Variants in PLAUR observed in about 807,000 individuals in gnomAD.
The protein encoded by PLAUR is plasminogen activator, urokinase receptor, also known as urokinase plasminogen activator surface receptor.
A neutral mutation model predicts 33.4 loss-of-function variants in PLAUR; 22 were observed. The ratio of observed to expected loss-of-function variants is 0.66; its 90% CI spans 0.47 to 0.94. The LOEUF (loss-of-function observed/expected upper bound fraction) is 0.94, where lower values mean the gene tolerates loss of function less well. Among genes scored for constraint, PLAUR ranks in the 40% least tolerant of loss-of-function variants. The pLI is 0.00. For missense variants in PLAUR, 408 were observed against 434.7 expected, an observed-to-expected ratio of 0.94 and a Z score of 0.55; for synonymous variants, 148 against 167.3, an observed-to-expected ratio of 0.88 and a Z score of 0.89.
At chr19:43,663,994 C>A (rs967235441) in intron 3 of PLAUR, among the ~76,000 whole-genome samples, 1 of 152,082 alleles carries the variant, frequency 6.6e-6, no homozygotes, top group African/African-American at 2.4e-5. Flanking sequence ...TGGAAAGGGG[C>A]AACACCAGGC....
At chr19:43,663,699 C>T (rs564444649) in intron 3 of PLAUR, among the ~76,000 whole-genome samples, 6 of 151,316 alleles carry the variant, frequency 4.0e-5, no homozygotes, top group Non-Finnish European at 7.4e-5. Flanking sequence ...AAGAATCGCT[C>T]GAGCCTAGGA....
rs369228285 is a variant in PLAUR at position 43,667,680 on chromosome 19, G to A, written c.67C>T (p.Leu23=). The A allele has an allele frequency of 7.4e-6, 12 of 1,613,540 alleles. No homozygotes were observed. The highest frequency in any genetic ancestry group is 9.3e-6 in the Non-Finnish European group (11 of 1,179,752). ...TTGGTCTTACACTGCATGCACCGCA[G>A]GCCCCAAGAGGCTGGGGGAAGGAGG... ...LHTCVPASWG[L]RCMQCKTNGD... Residue 23 remains leucine, a synonymous_variant, in exon 2 of 7, where the codon CTG becomes TTG. Transcript: ENST00000340093.
intron 1 of PLAUR, among the ~76,000 whole-genome samples, chr19:43,669,513 T>TA (rs1329116832): frequency 1.3e-5 from 2 of 152,002 alleles, no homozygotes; most frequent in African/African-American, 4.8e-5. Context: ...GAACTCCATT[T>TA]AAAAAAAGAA....
intron 1 of PLAUR, among the ~76,000 whole-genome samples, chr19:43,669,809 CAAAAAAAAAAAA>C (rs59728904): frequency 1.3e-4 from 9 of 71,194 alleles, no homozygotes; most frequent in Non-Finnish European, 1.8e-4. Context: ...GAGACTCTGT[CAAAAAAAAAAAA>C]AAAAAAAAAA....
In PLAUR at chr19:43,656,555, G is replaced by A; in HGVS notation, c.396C>T (p.His132=). 1 of 1,613,228 alleles carries A rather than the reference G, an allele frequency of 6.2e-7. No individual in the cohort carries two copies. The highest frequency in any genetic ancestry group is 1.1e-5 in the South Asian group (1 of 90,992). The change falls in exon 4 of 7, where the codon CAC becomes CAT. Residue 132 remains histidine, a synonymous_variant. Transcript: ENST00000340093. ...CAGGGCTGCGGCACTGCAGGCTCTG[G>A]TGCCGGCCCCTCTCACAGCTCATGT... ...SSDMSCERGR[H]QSLQCRSPEE...
rs3052823 is a variant in PLAUR at position 43,659,167 on chromosome 19, C to CTTTTTTTTTTTTTTTTTTTTTTT, written c.311-2528_311-2527insAAAAAAAAAAAAAAAAAAAAAAA. Among the ~76,000 whole-genome samples the CTTTTTTTTTTTTTTTTTTTTTTT allele has an allele frequency of 9.7e-4, 94 of 97,110 alleles. 24 individuals are homozygous for CTTTTTTTTTTTTTTTTTTTTTTT. The highest frequency in any genetic ancestry group is 0.021 in the Middle Eastern group (2 of 96). The allele number at this position is 97,110 out of a possible 152,430, so 63.7% of individuals were successfully genotyped here. A position where few individuals can be genotyped will look rare whatever the true frequency, so the allele number is the denominator to read the frequency against. ...GCTATTTTCCTTTTTCTTTTCTTTTCTTTTTTTTTTTTTTTGAGATAGGGT... is the reference window on the plus strand; with the variant it reads ...GCTATTTTCCTTTTTCTTTTCTTTTCTTTTTTTTTTTTTTTTTTTTTTTTTTTTTTTTTTTTTTGAGATAGGGT... On this transcript the variant is annotated intron_variant, in intron 3 of 6. Transcript: ENST00000340093.
chr19:43,666,889 A>AT lies in PLAUR; in HGVS notation c.166+691dup, dbSNP rs550934033. ...CGGCCCACCTTTCTCTCTTTCGTTC[A>AT]TTTTTTTGACAGGATCTCGCTCTGT... On this transcript the variant is annotated intron_variant, in intron 2 of 6. Transcript: ENST00000340093. Among the ~76,000 whole-genome samples the AT allele has an allele frequency of 3.4e-4, 47 of 136,364 alleles. No homozygotes were observed. The East Asian group carries it at 8.5e-3, about 25-fold the overall frequency. The allele number at this position is 136,364 out of a possible 152,430, so 89.5% of individuals were successfully genotyped here. A position where few individuals can be genotyped will look rare whatever the true frequency, so the allele number is the denominator to read the frequency against.
At chr19:43,665,103 G>A in intron 3 of PLAUR, 1 of 591,392 alleles carries the variant, frequency 1.7e-6, no homozygotes, top group Non-Finnish European at 3.1e-6. Context: ...TTGGGCATAG[G>A]ATTGGAGGTG....
chr19:43,666,686 G>A (rs1568565505), intron 2 of PLAUR, among the ~76,000 whole-genome samples: 1 of 151,866 alleles, frequency 6.6e-6, no homozygotes, highest in East Asian at 1.9e-4. Context: ...TCCTGTCTCA[G>A]CCTCCCGAGT....
chr19:43,650,074 C>T (rs1035930057), intron 6 of PLAUR, among the ~76,000 whole-genome samples: 21 of 150,614 alleles, frequency 1.4e-4, no homozygotes, highest in African/African-American at 4.4e-4. Flanking sequence ...TGCAGTGGCA[C>T]GATCTCGGCT....
chr19:43,667,991 C>T (rs1318047362), intron 1 of PLAUR: 1 of 1,223,300 alleles, frequency 8.2e-7, no homozygotes, highest in Admixed American at 3.7e-5. Context: ...CAGTCGTATC[C>T]CCGCCCTCTC....
chr19:43,668,629 C>T (rs1433000011), intron 1 of PLAUR, among the ~76,000 whole-genome samples: 3 of 146,698 alleles, frequency 2.0e-5, no homozygotes, highest in Non-Finnish European at 3.0e-5. Flanking sequence ...GAGGTCCTAG[C>T]CCAGCCCCGT....
downstream of PLAUR, chr19:43,646,227 C>T: frequency 2.2e-6 from 1 of 456,004 alleles, no homozygotes; most frequent in Non-Finnish European, 4.0e-6. Context: ...GCATGAGCCA[C>T]TGTGCCTGTC....
At position 43,667,580 on chromosome 19, in the gene PLAUR, C is replaced by G. The variant is rs1448470949; in HGVS notation, c.166+1G>C. The G allele has an allele frequency of 6.2e-7, 1 of 1,604,418 alleles. No homozygotes were observed. The highest frequency in any genetic ancestry group is 8.5e-7 in the Non-Finnish European group (1 of 1,171,320). On this transcript the variant is annotated splice_donor_variant, in intron 2 of 6. Transcript: ENST00000340093. LOFTEE classifies it high-confidence loss of function. ...GGTGTGTGGGTTGGGGGGAAGCTCA[C>G]CTTCCCACAAGCGCACGATCGTGGT...
chr19:43,668,287 C>T lies in PLAUR; in HGVS notation c.56-596G>A, dbSNP rs548582154. 2.5e-5 allele frequency: 25 copies of T among 986,622 alleles called. No individual in the cohort carries two copies. The African/African-American group carries it at 4.0e-4, about 16-fold the overall frequency. 61.1% of individuals were successfully genotyped at this position (986,622 alleles called of 1,614,324 possible). ...TCTATTGTTAGATACTCTAGTTTCCCGCGAAGTTCTGTCTCCGCCCTCCAG... is the reference window on the plus strand; with the variant it reads ...TCTATTGTTAGATACTCTAGTTTCCTGCGAAGTTCTGTCTCCGCCCTCCAG... On this transcript the variant is annotated intron_variant, in intron 1 of 6. Coordinates refer to ENST00000340093, the MANE Select transcript of PLAUR (RefSeq NM_002659.4).
At chr19:43,656,187 A>G (rs1450740145) in intron 4 of PLAUR, among the ~76,000 whole-genome samples, 1 of 151,464 alleles carries the variant, frequency 6.6e-6, no homozygotes, top group Non-Finnish European at 1.5e-5. Flanking sequence ...TGGGAGGCGG[A>G]GGTTGCAGCC....
intron 3 of PLAUR, among the ~76,000 whole-genome samples, chr19:43,664,075 A>G (rs1302070678): frequency 6.6e-6 from 1 of 152,086 alleles, no homozygotes; most frequent in African/African-American, 2.4e-5. Flanking sequence ...ATCATCTCTG[A>G]TTGAATGCAC....
Position 43,656,556 on chromosome 19 carries a change from T to C in PLAUR, c.395A>G (p.His132Arg). Residue 132 changes from histidine (H) to arginine (R), a missense_variant, in exon 4 of 7, where the codon CAC becomes CGC. Transcript: ENST00000340093. ...SSDMSCERGR[H>R]QSLQCRSPEE... ...AGGGCTGCGGCACTGCAGGCTCTGG[T>C]GCCGGCCCCTCTCACAGCTCATGTC... 6.2e-7 allele frequency: 1 copy of C among 1,613,232 alleles called. No homozygotes were observed. The highest frequency in any genetic ancestry group is 8.5e-7 in the Non-Finnish European group (1 of 1,179,492).
At chr19:43,669,050 C>T (rs915250822) in intron 1 of PLAUR, among the ~76,000 whole-genome samples, 7 of 152,240 alleles carry the variant, frequency 4.6e-5, no homozygotes, top group Non-Finnish European at 1.0e-4. Context: ...GGAGCTGTTA[C>T]TCATTCCCGG....
Sources: gnomAD v4.1 joint callset for allele counts (sites outside exome capture counted in the v4.1 genomes callset) on GRCh38, gnomAD v4.1.1 for gene constraint, MANE v1.5 for transcripts, NCBI Gene and HGNC (gene_info 2026-07-23, HGNC 2026-07-21) for gene names.